Variants in PLGRKT observed in about 807,000 individuals in gnomAD.
PLGRKT encodes plasminogen receptor with a C-terminal lysine.
In PLGRKT, 22 loss-of-function variants were observed where a neutral mutation model predicts 18.5. The observed-to-expected ratio is 1.19, with a 90% CI of 0.85 to 1.70. PLGRKT has a LOEUF of 1.70. PLGRKT is among the 40% of genes most tolerant of loss of function. The pLI is 0.00. For missense variants in PLGRKT, 235 were observed against 174.4 expected (o/e 1.35, Z -1.96); for synonymous variants, 72 against 52.8 (o/e 1.36, Z -1.58).
chr9:5,429,106 A>C (rs1818763130), intron 3 of PLGRKT, among the ~76,000 whole-genome samples: 1 of 152,184 alleles, frequency 6.6e-6, no homozygotes, highest in Non-Finnish European at 1.5e-5. Context: ...CTTTATAGCC[A>C]ATTCAAGATA....
At chr9:5,393,477 T>A (rs1257355795) in intron 3 of PLGRKT, among the ~76,000 whole-genome samples, 1 of 151,966 alleles carries the variant, frequency 6.6e-6, no homozygotes, top group Non-Finnish European at 1.5e-5. Context: ...TAATTTCTTG[T>A]TACTATACCT....
At chr9:5,390,070 C>A (rs1276928449) in intron 3 of PLGRKT, among the ~76,000 whole-genome samples, 2 of 151,662 alleles carry the variant, frequency 1.3e-5, no homozygotes, top group Non-Finnish European at 2.9e-5. Context: ...GTCAAAGGAA[C>A]CAATGCAGGC....
chr9:5,399,658 A>G (rs1818118580), intron 3 of PLGRKT, among the ~76,000 whole-genome samples: 1 of 151,812 alleles, frequency 6.6e-6, no homozygotes, highest in Non-Finnish European at 1.5e-5. Flanking sequence ...TGAATATGCA[A>G]ATGTTTAAAT....
chr9:5,415,085 T>TGAA (rs936399269), intron 3 of PLGRKT, among the ~76,000 whole-genome samples: 2 of 152,170 alleles, frequency 1.3e-5, no homozygotes, highest in African/African-American at 4.8e-5. Context: ...CAGGACTCCA[T>TGAA]GAAGAAGTCA....
Position 5,430,814 on chromosome 9 carries a change from C to T in PLGRKT, c.81+1083G>A, listed in dbSNP as rs1586747684. Among the ~76,000 whole-genome samples, 6 of 152,302 alleles carry T rather than the reference C, an allele frequency of 3.9e-5. No homozygotes were observed. The South Asian group carries it at 8.3e-4, about 21-fold the overall frequency. ...TGTCTGAAATCTTAGGAAAATAATTCGGGTCAAACTTTTAAGACTTGATTT... is the reference window on the plus strand; with the variant it reads ...TGTCTGAAATCTTAGGAAAATAATTTGGGTCAAACTTTTAAGACTTGATTT... On this transcript the variant is annotated intron_variant, in intron 3 of 5. Coordinates refer to ENST00000223864, the MANE Select transcript of PLGRKT (RefSeq NM_018465.4).
At chr9:5,362,901 G>A (rs868618241) in intron 3 of PLGRKT, among the ~76,000 whole-genome samples, 7 of 152,094 alleles carry the variant, frequency 4.6e-5, no homozygotes, top group South Asian at 4.1e-4. Context: ...TGCTTCCTGC[G>A]GAGAATTCTG....
At position 5,385,580 on chromosome 9, in the gene PLGRKT, A is replaced by C. The variant is rs1817826892; in HGVS notation, c.82-23692T>G. ...CATTTCCTTCTCACTTTCCTTTCCC[A>C]GTGGCTCACATACTTGCCACTCTTC... On this transcript the variant is annotated intron_variant, in intron 3 of 5. Coordinates refer to ENST00000223864, the MANE Select transcript of PLGRKT (RefSeq NM_018465.4). 1.3e-5 allele frequency among the ~76,000 whole-genome samples: 2 copies of C among 151,634 alleles called. 1 individual carries two copies. The highest frequency in any genetic ancestry group is 4.9e-5 in the African/African-American group (2 of 41,048).
chr9:5,422,064 C>G (rs1385106086), intron 3 of PLGRKT, among the ~76,000 whole-genome samples: 3 of 152,026 alleles, frequency 2.0e-5, no homozygotes, highest in African/African-American at 7.2e-5. Context: ...CCAGGATAAC[C>G]AGGTAGTAAA....
chr9:5,430,999 G>A (rs895991465), intron 3 of PLGRKT, among the ~76,000 whole-genome samples: 2 of 152,144 alleles, frequency 1.3e-5, no homozygotes, highest in African/African-American at 2.4e-5. Flanking sequence ...CAAATTATAC[G>A]AAGTCTGTGG....
chr9:5,406,744 C>G (rs1396664573), intron 3 of PLGRKT, among the ~76,000 whole-genome samples: 13 of 152,152 alleles, frequency 8.5e-5, no homozygotes, highest in Non-Finnish European at 1.9e-4. Flanking sequence ...ACATCCTACA[C>G]ATATACTCTG....
intron 3 of PLGRKT, among the ~76,000 whole-genome samples, chr9:5,379,208 G>T (rs931664460): frequency 2.0e-5 from 3 of 152,052 alleles, no homozygotes; most frequent in Non-Finnish European, 2.9e-5. Flanking sequence ...TCACAATATT[G>T]TAAATATAAT....
At chr9:5,375,219 C>T (rs10975081) in intron 3 of PLGRKT, among the ~76,000 whole-genome samples, 14,342 of 152,220 alleles carry the variant, frequency 0.094, 1,383 homozygotes, top group African/African-American at 0.25. Flanking sequence ...CACTGACTTC[C>T]TTTGCTGAAA....
Position 5,386,013 on chromosome 9 carries a change from C to T in PLGRKT, c.82-24125G>A, listed in dbSNP as rs1243828395. On this transcript the variant is annotated intron_variant, in intron 3 of 5. Coordinates refer to ENST00000223864, the MANE Select transcript of PLGRKT (RefSeq NM_018465.4). ...AGACTTCATCTCATGTAATGCAATC[C>T]ACTGCCATATCTAGTATCTCCTGGC... Among the ~76,000 whole-genome samples the T allele has an allele frequency of 3.3e-5, 5 of 151,678 alleles. 1 individual carries two copies. The highest frequency in any genetic ancestry group is 1.2e-4 in the African/African-American group (5 of 41,082).
intron 3 of PLGRKT, among the ~76,000 whole-genome samples, chr9:5,393,916 G>T (rs372202688): frequency 2.0e-5 from 3 of 151,808 alleles, no homozygotes; most frequent in East Asian, 3.8e-4. Flanking sequence ...TCATGGAAAT[G>T]AACACTAAAA....
chr9:5,375,025 A>G (rs1258332309), intron 3 of PLGRKT, among the ~76,000 whole-genome samples: 1 of 152,192 alleles, frequency 6.6e-6, no homozygotes, highest in African/African-American at 2.4e-5. Context: ...ACCACGCCCC[A>G]ACTTCAAAGT....
intron 4 of PLGRKT, 114 bp downstream of exon 4, chr9:5,361,644 G>T: frequency 1.0e-6 from 1 of 970,708 alleles, no homozygotes. Context: ...GGTTACTTTG[G>T]TTACATACAC....
intron 3 of PLGRKT, among the ~76,000 whole-genome samples, chr9:5,401,796 T>G (rs1272103010): frequency 1.3e-5 from 2 of 151,926 alleles, no homozygotes; most frequent in Admixed American, 6.6e-5. Context: ...ATCTGAAAGG[T>G]GACATCAATT....
At position 5,427,548 on chromosome 9, in the gene PLGRKT, T is replaced by C. The variant is rs528949078; in HGVS notation, c.81+4349A>G. 2.0e-5 allele frequency among the ~76,000 whole-genome samples: 3 copies of C among 152,376 alleles called. No individual in the cohort carries two copies. In the South Asian group the frequency reaches 6.2e-4, roughly 32 times the overall value. On this transcript the variant is annotated intron_variant, in intron 3 of 5. Coordinates refer to ENST00000223864, the MANE Select transcript of PLGRKT (RefSeq NM_018465.4). ...TATTTTTATTAGTAATTATTGTTAA[T>C]CTGTTACTGTGGCTAATTTATAAAT...
At chr9:5,367,643 T>C (rs981638108) in intron 3 of PLGRKT, among the ~76,000 whole-genome samples, 5 of 152,000 alleles carry the variant, frequency 3.3e-5, no homozygotes, top group African/African-American at 1.2e-4. Context: ...AATCCTAGAA[T>C]AAAACCTGAA....
Sources: gnomAD v4.1 joint callset for allele counts (sites outside exome capture counted in the v4.1 genomes callset) on GRCh38, gnomAD v4.1.1 for gene constraint, MANE v1.5 for transcripts, NCBI Gene and HGNC (gene_info 2026-07-23, HGNC 2026-07-21) for gene names.